PTPRR: variants seen among roughly 807,000 people sequenced by gnomAD.
PTPRR encodes the protein receptor-type tyrosine-protein phosphatase R.
Under a neutral mutation model 77.2 loss-of-function variants are expected in PTPRR, and 38 were observed. That is an observed-to-expected ratio of 0.49 (90% CI 0.38 to 0.65). PTPRR has a LOEUF of 0.65. Among genes scored for constraint, PTPRR ranks in the 30% least tolerant of loss-of-function variants. The probability of loss-of-function intolerance (pLI) is 0.00; values close to 1 mark genes in which losing one functional copy is unlikely to be tolerated. For missense variants in PTPRR, 744 were observed against 799.2 expected (o/e 0.93, Z 0.83); for synonymous variants, 299 against 283.1 (o/e 1.06, Z -0.57).
At chr12:70,907,304 T>C (rs1893636787) in intron 1 of PTPRR, among the ~76,000 whole-genome samples, 2 of 152,162 alleles carry the variant, frequency 1.3e-5, no homozygotes. Context: ...AAGGGATGAT[T>C]TTAATCACCT....
chr12:70,664,636 G>C (rs546867824), intron 10 of PTPRR: 1 of 152,106 alleles, frequency 6.6e-6, no homozygotes, highest in African/African-American at 2.4e-5. Flanking sequence ...ACTTGCACAG[G>C]CTTCTGCACC....
chr12:70,645,539 A>T (rs1176299297), intron 13 of PTPRR, among the ~76,000 whole-genome samples: 2 of 152,144 alleles, frequency 1.3e-5, no homozygotes, highest in African/African-American at 4.8e-5. Flanking sequence ...TGGATGATAA[A>T]TTATTTGTTC....
chr12:70,790,300 T>C (rs1046596736), intron 2 of PTPRR, among the ~76,000 whole-genome samples: 2 of 152,166 alleles, frequency 1.3e-5, no homozygotes, highest in Admixed American at 1.3e-4. Flanking sequence ...AAACCAGGAT[T>C]GCTACATCCA....
chr12:70,650,500 C>T (rs78516377), intron 13 of PTPRR, among the ~76,000 whole-genome samples: 1 of 151,862 alleles, frequency 6.6e-6, no homozygotes, highest in African/African-American at 2.4e-5. Flanking sequence ...AGTCAAGAAC[C>T]TACTTTGTGC....
chr12:70,827,685 A>G (rs1892136814), intron 2 of PTPRR, among the ~76,000 whole-genome samples: 1 of 132,056 alleles, frequency 7.6e-6, no homozygotes, highest in Non-Finnish European at 1.6e-5. Context: ...AGATGGGATT[A>G]TAGGTGCCTG....
chr12:70,916,186 C>T (rs977762339), intron 1 of PTPRR, among the ~76,000 whole-genome samples: 1 of 152,024 alleles, frequency 6.6e-6, no homozygotes, highest in Admixed American at 6.6e-5. Context: ...AGAATAACCT[C>T]ATTAACAAGG....
chr12:70,761,075 T>A (rs550760962), intron 4 of PTPRR, among the ~76,000 whole-genome samples: 1 of 152,288 alleles, frequency 6.6e-6, no homozygotes, highest in African/African-American at 2.4e-5. Context: ...ATTTTGACAA[T>A]GACGACAATG....
intron 13 of PTPRR, among the ~76,000 whole-genome samples, chr12:70,649,783 C>G (rs566225500): frequency 6.6e-6 from 1 of 152,030 alleles, no homozygotes; most frequent in South Asian, 2.1e-4. Context: ...CCATGTTGGC[C>G]AGGCTGGTTT....
At chr12:70,681,002 T>A (rs954032136) in intron 10 of PTPRR, among the ~76,000 whole-genome samples, 7 of 151,926 alleles carry the variant, frequency 4.6e-5, no homozygotes, top group Admixed American at 3.9e-4. Flanking sequence ...TGTCTGTTCC[T>A]TTGAGGGCAA....
At chr12:70,731,143 G>A (rs1251143523) in intron 6 of PTPRR, among the ~76,000 whole-genome samples, 1 of 151,630 alleles carries the variant, frequency 6.6e-6, no homozygotes, top group African/African-American at 2.4e-5. Context: ...GAAGGAAGGA[G>A]GAAGGAAAAG....
chr12:70,664,649 C>T (rs186499256), intron 10 of PTPRR: 140 of 152,298 alleles, frequency 9.2e-4, no homozygotes, highest in African/African-American at 3.3e-3. Flanking sequence ...TCTGCACCTA[C>T]TTGATAAATG....
chr12:70,800,850 G>T (rs1004385671), intron 2 of PTPRR, among the ~76,000 whole-genome samples: 1 of 150,682 alleles, frequency 6.6e-6, no homozygotes, highest in African/African-American at 2.4e-5. Context: ...AGCTGAGATC[G>T]CACTATTGCA....
At chr12:70,667,612 C>T (rs550417756) in intron 10 of PTPRR, among the ~76,000 whole-genome samples, 3 of 152,246 alleles carry the variant, frequency 2.0e-5, no homozygotes, top group South Asian at 4.1e-4. Context: ...GGTCTCTTTG[C>T]TTCCTGTTGA....
At chr12:70,678,133 C>T (rs868216329) in intron 10 of PTPRR, among the ~76,000 whole-genome samples, 1 of 151,996 alleles carries the variant, frequency 6.6e-6, no homozygotes, top group Non-Finnish European at 1.5e-5. Context: ...CTCCCAGTCC[C>T]GGGTTCAAGT....
In PTPRR at chr12:70,754,485, G is replaced by A. The variant is rs1207037368; in HGVS notation, c.628-184C>T. 3.5e-5 allele frequency: 54 copies of A among 1,557,390 alleles called. No homozygotes were observed. In the South Asian group the frequency reaches 6.1e-4, roughly 18 times the overall value. On this transcript the variant is annotated intron_variant, in intron 4 of 13. Coordinates refer to ENST00000283228, the MANE Select transcript of PTPRR (RefSeq NM_002849.4). ...CAACAGACTGCCATCCTTATATATC[G>A]AGATTATTTAGTCTCCTATGCAGGA...
At chr12:70,746,503 C>T (rs768181236) in intron 5 of PTPRR, among the ~76,000 whole-genome samples, 3 of 152,012 alleles carry the variant, frequency 2.0e-5, no homozygotes, top group Admixed American at 1.3e-4. Flanking sequence ...AGTAGTCTTG[C>T]AAGTATTAAT....
chr12:70,876,250 TAATA>T (rs1381094986), intron 2 of PTPRR, among the ~76,000 whole-genome samples: 1 of 152,112 alleles, frequency 6.6e-6, no homozygotes, highest in African/African-American at 2.4e-5. Context: ...GTAGTATATA[TAATA>T]TATACATAAA....
At chr12:70,806,409 G>A (rs1468510312) in intron 2 of PTPRR, among the ~76,000 whole-genome samples, 1 of 152,206 alleles carries the variant, frequency 6.6e-6, no homozygotes, top group African/African-American at 2.4e-5. Flanking sequence ...ACAAGATATA[G>A]TGGTTGGAAA....
chr12:70,788,294 A>G (rs1163574265), intron 2 of PTPRR, among the ~76,000 whole-genome samples: 1 of 152,176 alleles, frequency 6.6e-6, no homozygotes, highest in Non-Finnish European at 1.5e-5. Flanking sequence ...ATAACAGAAG[A>G]TACTGACTAG....
Sources: allele counts gnomAD v4.1 joint callset (sites outside exome capture counted in the v4.1 genomes callset), GRCh38; gene constraint gnomAD v4.1.1; transcripts MANE v1.5; gene names NCBI Gene and HGNC (gene_info 2026-07-23, HGNC 2026-07-21).